The following SPPL2B variants were observed in gnomAD, a reference collection of about 807,000 sequenced individuals.
The protein encoded by SPPL2B is signal peptide peptidase-like 2B.
A neutral mutation model predicts 59.7 loss-of-function variants in SPPL2B; 39 were observed. That is an observed-to-expected ratio of 0.65 (90% CI 0.51 to 0.85). The LOEUF (loss-of-function observed/expected upper bound fraction) is 0.85. Among genes scored for constraint, SPPL2B ranks in the 40% least tolerant of loss-of-function variants. The pLI, the probability that SPPL2B is intolerant of heterozygous loss-of-function variation, is 0.00. For missense variants in SPPL2B, 865 were observed against 849.0 expected (o/e 1.02, Z -0.23); for synonymous variants, 419 against 370.8 (o/e 1.13, Z -1.49).
At chr19:2,346,433 A>T (rs1279409006) in intron 13 of SPPL2B, among the ~76,000 whole-genome samples, 1 of 152,240 alleles carries the variant, frequency 6.6e-6, no homozygotes, top group Non-Finnish European at 1.5e-5. Context: ...TGGGAGGCTG[A>T]AGTGGGAGGA....
At chr19:2,336,666 A>C (rs942188631) in intron 2 of SPPL2B, among the ~76,000 whole-genome samples, 2 of 139,636 alleles carry the variant, frequency 1.4e-5, no homozygotes, top group Non-Finnish European at 3.1e-5. Context: ...CATGTGTGTA[A>C]TAGGCATGTG....
At chr19:2,347,100 TC>T (rs1372062833) in intron 13 of SPPL2B, among the ~76,000 whole-genome samples, 4 of 152,210 alleles carry the variant, frequency 2.6e-5, no homozygotes, top group Admixed American at 2.0e-4. Flanking sequence ...TTCTTCACAT[TC>T]GCTTGATTCC....
Position 2,351,462 on chromosome 19 carries a change from C to G in SPPL2B, c.1383C>G (p.Phe461Leu), listed in dbSNP as rs558305587. ...ATGGCGTTGGCCTCCTTGTGACATT[C>G]GTGGCACTGGCCCTGATGCAGCGTG... ...IAYGVGLLVT[F>L]VALALMQRGQ... The change falls in exon 14 of 15, where the codon TTC becomes TTG. Residue 461 changes from phenylalanine to leucine, a missense_variant. Phe to Leu is a conservative substitution (Grantham distance 22). Coordinates refer to ENST00000613503, the MANE Select transcript of SPPL2B (RefSeq NM_152988.3). 14 of 1,608,504 alleles carry G rather than the reference C, an allele frequency of 8.7e-6. No individual in the cohort carries two copies. The highest frequency in any genetic ancestry group is 1.2e-5 in the Non-Finnish European group (14 of 1,178,358).
At position 2,353,540 on chromosome 19, in the gene SPPL2B, C is replaced by T. The variant is rs530595913; in HGVS notation, c.*331C>T. ...AGCGTCGTCTGCATGAGTGAGCAGG[C>T]GTGGGTGGACTCTGGCCGCGGCCAC... is the stretch of plus-strand genomic sequence containing the variant. On this transcript the variant is annotated 3_prime_UTR_variant, in exon 15 of 15. Coordinates refer to ENST00000613503, the MANE Select transcript of SPPL2B (RefSeq NM_152988.3). 5.4e-5 allele frequency: 17 copies of T among 315,606 alleles called. No individual in the cohort carries two copies. The South Asian group carries it at 6.7e-4, about 12-fold the overall frequency. The allele number at this position is 315,606 out of a possible 1,614,324, so 19.6% of individuals were successfully genotyped here. A position where few individuals can be genotyped will look rare whatever the true frequency, so the allele number is the denominator to read the frequency against.
rs886295469 is a variant in SPPL2B at position 2,328,715 on chromosome 19, G to A, written c.6G>A (p.Ala2=). The change falls in exon 1 of 15, where the codon GCG becomes GCA. Residue 2 remains alanine, a synonymous_variant. Transcript: ENST00000613503. The part of the protein sequence containing the change: M[A]AAVAAALARL... ...TGCGGCGGGCACCGGCCGACATGGC[G>A]GCAGCGGTGGCGGCTGCGCTGGCGC... is the stretch of plus-strand genomic sequence containing the variant. The A allele has an allele frequency of 7.6e-6, 11 of 1,446,932 alleles. No homozygotes were observed. The Admixed American group carries it at 3.1e-4, about 40-fold the overall frequency. The allele number at this position is 1,446,932 out of a possible 1,614,324, so 89.6% of individuals were successfully genotyped here. A position where few individuals can be genotyped will look rare whatever the true frequency, so the allele number is the denominator to read the frequency against.
intron 13 of SPPL2B, among the ~76,000 whole-genome samples, chr19:2,346,296 C>G (rs919115712): frequency 6.6e-5 from 10 of 152,282 alleles, no homozygotes; most frequent in African/African-American, 2.4e-4. Flanking sequence ...TGTCCCCTCA[C>G]ACCTGCCTCC....
At chr19:2,346,033 TC>T (rs1228208570) in intron 13 of SPPL2B, among the ~76,000 whole-genome samples, 4 of 152,284 alleles carry the variant, frequency 2.6e-5, no homozygotes, top group East Asian at 1.9e-4. Flanking sequence ...TTTGTCTTTT[TC>T]TTCTTTGCCT....
At chr19:2,330,935 G>A (rs573779233) in intron 1 of SPPL2B, among the ~76,000 whole-genome samples, 8 of 152,272 alleles carry the variant, frequency 5.3e-5, no homozygotes, top group Admixed American at 3.3e-4. Context: ...ACCCTGAGAC[G>A]CCTGTCCCTG....
In SPPL2B at chr19:2,332,437, C is replaced by T. The variant is rs912002800; in HGVS notation, c.67-2165C>T. Among the ~76,000 whole-genome samples, 1 of 152,244 alleles carries T rather than the reference C, an allele frequency of 6.6e-6. No individual in the cohort carries two copies. Among genetic ancestry groups the T allele is most frequent in the Non-Finnish European group, 1.5e-5 (1 of 68,042 alleles). On this transcript the variant is annotated intron_variant, in intron 1 of 14. Coordinates refer to ENST00000613503, the MANE Select transcript of SPPL2B (RefSeq NM_152988.3). This position sits in a 1 kb window ranked among gnomAD's most constrained non-coding sequence, Gnocchi z 4.6. ...CCCCAGTCCTAGCTTGGCAGAGCTG[C>T]GTCTGCACTGTTTTCCCTTGTGGCG... is the stretch of plus-strand genomic sequence containing the variant.
intron 2 of SPPL2B, among the ~76,000 whole-genome samples, chr19:2,336,804 TGTGC>T (rs202162205): frequency 0.096 from 14,495 of 150,228 alleles, 727 homozygotes; most frequent in Middle Eastern, 0.16. Flanking sequence ...TGTGTGTGTG[TGTGC>T]GCGCTGGCCT....
At chr19:2,334,749 G>T (rs759004419) in intron 2 of SPPL2B, 28 bp downstream of exon 2, 2 of 1,523,488 alleles carry the variant, frequency 1.3e-6, no homozygotes, top group Non-Finnish European at 1.8e-6. Context: ...GGGCGCCGCT[G>T]CGGAGGAGAA....
At chr19:2,329,544 T>C (rs1968170171) in intron 1 of SPPL2B, among the ~76,000 whole-genome samples, 1 of 152,124 alleles carries the variant, frequency 6.6e-6, no homozygotes, top group Middle Eastern at 3.2e-3. Context: ...CTTCCCTCTC[T>C]CCTGAGTTCG....
At chr19:2,349,410 C>T in intron 13 of SPPL2B, among the ~76,000 whole-genome samples, 1 of 66,898 alleles carries the variant, frequency 1.5e-5, no homozygotes, top group Non-Finnish European at 3.1e-5. Context: ...CTCGTGTTCT[C>T]ATTCGCTTGA....
intron 2 of SPPL2B, among the ~76,000 whole-genome samples, chr19:2,336,382 T>G (rs1968614542): frequency 6.6e-6 from 1 of 152,036 alleles, no homozygotes; most frequent in African/African-American, 2.4e-5. Context: ...TGTACATGTG[T>G]AATAGGTCTG....
chr19:2,336,266 ATGTG>A (rs1458233752), intron 2 of SPPL2B, among the ~76,000 whole-genome samples: 1 of 119,740 alleles, frequency 8.4e-6, no homozygotes, highest in Non-Finnish European at 1.6e-5. Context: ...TTGTGTATGG[ATGTG>A]TGAGTGCATG....
chr19:2,353,128 G>A lies in SPPL2B; in HGVS notation c.1698G>A (p.Arg566=). The change falls in exon 15 of 15, where the codon CGG becomes CGA. Residue 566 remains arginine, a synonymous_variant. Transcript: ENST00000613503. ...AGATGGGGGCTGGAGCCCCCATGCG[G>A]GAGCCTGGGAGCCCAGCTGAATCCG... The part of the protein sequence containing the change: ...SEEMGAGAPM[R]EPGSPAESEG... 3 of 1,610,668 alleles carry A rather than the reference G, an allele frequency of 1.9e-6. No homozygotes were observed. The South Asian group carries it at 3.3e-5, about 18-fold the overall frequency.
chr19:2,348,902 T>A (rs1178620109), intron 13 of SPPL2B, among the ~76,000 whole-genome samples: 2 of 88,242 alleles, frequency 2.3e-5, no homozygotes, highest in East Asian at 3.4e-4. Context: ...CCACACACAC[T>A]CACGCGCTCT....
At chr19:2,337,391 C>T (rs1273431498) in intron 2 of SPPL2B, 52 bp from the exon 3 acceptor site, 4 of 1,501,300 alleles carry the variant, frequency 2.7e-6, no homozygotes, top group East Asian at 2.4e-5. Context: ...GCAGCTGGGC[C>T]CTCCTGGTGA....
At chr19:2,338,588 TG>T in intron 3 of SPPL2B, 163 bp from the exon 4 acceptor site, 1 of 569,620 alleles carries the variant, frequency 1.8e-6, no homozygotes, top group Non-Finnish European at 3.2e-6. Context: ...TGGGTCCTCC[TG>T]GGGGGCCGGA....
Sources: gnomAD v4.1 joint callset for allele counts (sites outside exome capture counted in the v4.1 genomes callset) on GRCh38, gnomAD v4.1.1 for gene constraint, Gnocchi (gnomAD v3.1) non-coding constraint, MANE v1.5 for transcripts, NCBI Gene and HGNC (gene_info 2026-07-23, HGNC 2026-07-21) for gene names.